Variants in MAP3K20 observed in about 807,000 individuals in gnomAD.
The protein encoded by MAP3K20 is mitogen-activated protein kinase kinase kinase 20.
A neutral mutation model predicts 85.7 loss-of-function variants in MAP3K20; 40 were observed. That is an observed-to-expected ratio of 0.47 (90% CI 0.36 to 0.61). The LOEUF is 0.61. Ranked by LOEUF, MAP3K20 falls within the 20% of genes least tolerant of loss-of-function variation. The probability of loss-of-function intolerance (pLI) is 0.00; values close to 1 mark genes in which losing one functional copy is unlikely to be tolerated. For synonymous variants in MAP3K20, 325 were observed against 327.7 expected (o/e 0.99, Z 0.09); for missense variants, 817 against 961.7 (o/e 0.85, Z 1.99).
chr2:173,230,046 G>A lies in MAP3K20; in HGVS notation c.1032+313G>A, dbSNP rs140093035. On this transcript the variant is annotated intron_variant, in intron 12 of 19. Transcript: ENST00000375213. ...GGCGTTTCACCATGTTGGCCAGGCT[G>A]GTCTCGAACTCCTGACCTCAAGTGA... Among the ~76,000 whole-genome samples, 566 of 152,284 alleles carry A rather than the reference G, an allele frequency of 3.7e-3. 3 individuals are homozygous for A. The highest frequency in any genetic ancestry group is 0.012 in the African/African-American group (506 of 41,546).
chr2:173,092,626 A>T (rs1435585828), intron 2 of MAP3K20, among the ~76,000 whole-genome samples: 2 of 152,206 alleles, frequency 1.3e-5, no homozygotes, highest in East Asian at 1.9e-4. Flanking sequence ...CCATCCATTT[A>T]TAGTCAGTTA....
intron 2 of MAP3K20, among the ~76,000 whole-genome samples, chr2:173,123,996 G>A (rs928408732): frequency 1.3e-5 from 2 of 152,148 alleles, no homozygotes; most frequent in African/African-American, 4.8e-5. Context: ...GTCAAGGACA[G>A]CAGCCTCTTT....
chr2:173,109,481 T>C (rs545108088), intron 2 of MAP3K20, among the ~76,000 whole-genome samples: 44 of 152,270 alleles, frequency 2.9e-4, no homozygotes, highest in Non-Finnish European at 5.9e-4. Flanking sequence ...ATGGTGGTTT[T>C]TTTTTTTCTG....
chr2:173,118,971 G>C lies in MAP3K20; in HGVS notation c.159+27781G>C, dbSNP rs776625313. The stretch of plus-strand genomic sequence containing the variant: ...TAGATGCTTCAGTATGAAAACAGTA[G>C]ATTGTATCAATCAGAGTCAGAAACC... On this transcript the variant is annotated intron_variant, in intron 2 of 19. Transcript: ENST00000375213. Among the ~76,000 whole-genome samples the C allele has an allele frequency of 2.4e-4, 37 of 152,308 alleles. 1 individual carries two copies. The highest frequency in any genetic ancestry group is 3.4e-3 in the Middle Eastern group (1 of 294).
At position 173,179,439 on chromosome 2, in the gene MAP3K20, T is replaced by A. The variant is rs780489930; in HGVS notation, c.248-3415T>A. On this transcript the variant is annotated intron_variant, in intron 3 of 19. Coordinates refer to ENST00000375213, the MANE Select transcript of MAP3K20 (RefSeq NM_016653.3). ...AAAAGAAATCTCAACAGACTAGGAA[T>A]AAAAGGGAATTTTTCCAACCTGATA... is the stretch of plus-strand genomic sequence containing the variant. Among the ~76,000 whole-genome samples, 160 of 140,738 alleles carry A rather than the reference T, an allele frequency of 1.1e-3. 1 individual carries two copies. Among genetic ancestry groups the A allele is most frequent in the Non-Finnish European group, 1.3e-3 (82 of 63,200 alleles). The allele number at this position is 140,738 out of a possible 152,430, so 92.3% of individuals were successfully genotyped here.
At chr2:173,230,725 G>A (rs1304573061) in intron 12 of MAP3K20, among the ~76,000 whole-genome samples, 18 of 152,162 alleles carry the variant, frequency 1.2e-4, no homozygotes, top group Admixed American at 1.2e-3. Context: ...GACTAGGTTG[G>A]GCACGGTGGC....
chr2:173,261,578 G>A (rs1685295827), intron 18 of MAP3K20, among the ~76,000 whole-genome samples: 1 of 152,150 alleles, frequency 6.6e-6, no homozygotes, highest in Non-Finnish European at 1.5e-5. Context: ...AAATATTAGT[G>A]TGCACCCACC....
At chr2:173,169,931 A>T (rs1366180506) in intron 3 of MAP3K20, 39 bp downstream of exon 3, 1 of 1,571,636 alleles carries the variant, frequency 6.4e-7, no homozygotes, top group Non-Finnish European at 8.8e-7. Flanking sequence ...TTTTCCAATT[A>T]CCTAGCTTTA....
intron 2 of MAP3K20, among the ~76,000 whole-genome samples, chr2:173,129,991 TTAA>T (rs1688560313): frequency 6.6e-6 from 1 of 152,206 alleles, no homozygotes; most frequent in Non-Finnish European, 1.5e-5. Flanking sequence ...CTAAATTTGT[TTAA>T]GGAACCTCTA....
At chr2:173,169,552 T>TAA (rs150873750) in intron 2 of MAP3K20, among the ~76,000 whole-genome samples, 34 of 143,678 alleles carry the variant, frequency 2.4e-4, no homozygotes, top group African/African-American at 7.9e-4. Context: ...CCCCATCTCT[T>TAA]AAAAAAAAAA....
intron 16 of MAP3K20, among the ~76,000 whole-genome samples, chr2:173,241,065 T>G (rs1684768964): frequency 6.6e-6 from 1 of 152,150 alleles, no homozygotes; most frequent in African/African-American, 2.4e-5. Flanking sequence ...GATAGTAGAA[T>G]GATGATTACC....
At chr2:173,229,539 C>A in intron 11 of MAP3K20, 150 bp from the exon 12 acceptor site, 1 of 873,830 alleles carries the variant, frequency 1.1e-6, no homozygotes, top group Non-Finnish European at 1.8e-6. Flanking sequence ...CTCTTAAGGT[C>A]AGGAAAACTG....
At chr2:173,196,894 G>C (rs149124808) in intron 7 of MAP3K20, among the ~76,000 whole-genome samples, 104 of 152,142 alleles carry the variant, frequency 6.8e-4, no homozygotes, top group African/African-American at 2.4e-3. Context: ...CTGACCTTTG[G>C]GGTGAGCCAG....
At chr2:173,080,699 C>A (rs1320055706) in intron 1 of MAP3K20, among the ~76,000 whole-genome samples, 15 of 152,188 alleles carry the variant, frequency 9.9e-5, no homozygotes, top group Admixed American at 9.8e-4. Flanking sequence ...GCACTCAGCT[C>A]TTCCAGCTAA....
chr2:173,209,680 TCTCCTTTC>T, intron 9 of MAP3K20, 41 bp from the exon 10 acceptor site: 1 of 1,501,862 alleles, frequency 6.7e-7, no homozygotes. Flanking sequence ...CTCTTAAATA[TCTCCTTTC>T]TTAAGTCCCA....
Position 173,198,023 on chromosome 2 carries a change from CAGGTTCTCTGGGAGATGCTAACAAGGG to C in MAP3K20, c.585_611del (p.Leu196_Val204del). The stretch of plus-strand genomic sequence containing the variant: ...TAAAAATTCCATTTTCTTTTTGTTC[CAGGTTCTCTGGGAGATGCTAACAAGGG>C]AGGTCCCCTTTAAAGGTTTGGAAGG... On this transcript the variant is annotated splice_acceptor_variant and coding_sequence_variant, in exon 8 of 20. Transcript: ENST00000375213. LOFTEE classifies it high-confidence loss of function. The surrounding 1 kb of genome is among the most constrained non-coding windows in gnomAD (Gnocchi z 5.8). 6.2e-7 allele frequency: 1 copy of C among 1,608,690 alleles called. No individual in the cohort carries two copies. The highest frequency in any genetic ancestry group is 8.5e-7 in the Non-Finnish European group (1 of 1,177,754).
At chr2:173,194,765 GTT>G (rs67949386) in intron 7 of MAP3K20, among the ~76,000 whole-genome samples, 1 of 148,950 alleles carries the variant, frequency 6.7e-6, no homozygotes, top group Non-Finnish European at 1.5e-5. Flanking sequence ...TAAAAAAAAG[GTT>G]TTTTTTTTAA....
upstream of MAP3K20, chr2:173,075,740 G>A: frequency 1.0e-6 from 1 of 985,410 alleles, no homozygotes; most frequent in South Asian, 4.7e-5. Flanking sequence ...AGGCCAGGGA[G>A]GCCCGAGCGC....
chr2:173,210,042 T>G, intron 10 of MAP3K20: 2 of 563,726 alleles, frequency 3.5e-6, no homozygotes, highest in Non-Finnish European at 6.3e-6. Context: ...GCTTGTTGCC[T>G]TGTGTAAGTA....
Sources: gnomAD v4.1 joint callset for allele counts (sites outside exome capture counted in the v4.1 genomes callset) on GRCh38, gnomAD v4.1.1 for gene constraint, Gnocchi (gnomAD v3.1) non-coding constraint, MANE v1.5 for transcripts, NCBI Gene and HGNC (gene_info 2026-07-23, HGNC 2026-07-21) for gene names.